Variants in TBX15 observed in about 807,000 individuals in gnomAD.
The protein encoded by TBX15 is T-box transcription factor TBX15.
TBX15 carries 18 observed loss-of-function variants against 53.9 expected under a neutral mutation model. That is an observed-to-expected ratio of 0.33 (90% CI 0.23 to 0.49). TBX15 has a LOEUF of 0.49. TBX15 is among the 20% of genes least tolerant of loss of function. The pLI is 0.98. For missense variants in TBX15, 692 were observed against 749.5 expected (o/e 0.92, Z 0.90); for synonymous variants, 295 against 278.0 (o/e 1.06, Z -0.61).
intron 1 of TBX15, among the ~76,000 whole-genome samples, chr1:118,963,369 C>T (rs1656939485): frequency 6.6e-6 from 1 of 152,190 alleles, no homozygotes; most frequent in Non-Finnish European, 1.5e-5. Context: ...TTGTTTCAGA[C>T]CTGCATTACT....
rs767213897 is a variant in TBX15 at position 118,923,631 on chromosome 1, G to A, written c.694-28C>T. ...GAAATAAAAAGGGGAATTGTACCAG[G>A]CTTGGCTTTAAGGAACCTACATTTT... On this transcript the variant is annotated intron_variant, in intron 4 of 7. Transcript: ENST00000369429. The A allele has an allele frequency of 2.5e-6, 4 of 1,613,526 alleles. No individual in the cohort carries two copies. In the African/African-American group the frequency reaches 5.3e-5, roughly 22 times the overall value.
intron 6 of TBX15, among the ~76,000 whole-genome samples, chr1:118,911,764 G>A (rs1340570950): frequency 1.3e-5 from 2 of 152,136 alleles, no homozygotes; most frequent in Non-Finnish European, 2.9e-5. Flanking sequence ...GGGCCTCCTT[G>A]ATGTTGCACA....
intron 1 of TBX15, among the ~76,000 whole-genome samples, chr1:118,962,793 A>G (rs1656921469): frequency 6.6e-6 from 1 of 152,206 alleles, no homozygotes; most frequent in Non-Finnish European, 1.5e-5. Flanking sequence ...GACAATGATG[A>G]TCTTTGGAAA....
chr1:118,896,981 G>A (rs541196894), intron 7 of TBX15, among the ~76,000 whole-genome samples: 1 of 152,218 alleles, frequency 6.6e-6, no homozygotes, highest in Non-Finnish European at 1.5e-5. Flanking sequence ...ATCACCATAT[G>A]TATCCAATAA....
chr1:118,888,341 A>G (rs920121179), intron 7 of TBX15, among the ~76,000 whole-genome samples: 1 of 152,202 alleles, frequency 6.6e-6, no homozygotes, highest in African/African-American at 2.4e-5. Context: ...AATAATATAA[A>G]GTGTGAATCG....
At chr1:118,904,328 C>T (rs1465876307) in intron 6 of TBX15, among the ~76,000 whole-genome samples, 5 of 152,156 alleles carry the variant, frequency 3.3e-5, no homozygotes, top group African/African-American at 1.2e-4. Flanking sequence ...CCAAACCTTC[C>T]ATACTTCTTT....
At chr1:118,899,711 T>TA (rs1306554268) in intron 6 of TBX15, among the ~76,000 whole-genome samples, 16 of 152,148 alleles carry the variant, frequency 1.1e-4, no homozygotes, top group African/African-American at 3.9e-4. Flanking sequence ...TACCTGAAGA[T>TA]AAAGAAAGGG....
At chr1:118,961,704 T>C (rs552292563) in intron 1 of TBX15, among the ~76,000 whole-genome samples, 16 of 152,342 alleles carry the variant, frequency 1.1e-4, no homozygotes, top group African/African-American at 3.6e-4. Context: ...GGGAGTATCA[T>C]GTGTCTAACC....
chr1:118,951,577 AT>A (rs1196174189), intron 1 of TBX15, among the ~76,000 whole-genome samples: 1 of 152,136 alleles, frequency 6.6e-6, no homozygotes, highest in African/African-American at 2.4e-5. Context: ...CTTCTTGGCA[AT>A]TTTTAAAGGT....
chr1:118,961,757 T>C (rs960701611), intron 1 of TBX15, among the ~76,000 whole-genome samples: 2 of 152,198 alleles, frequency 1.3e-5, no homozygotes, highest in African/African-American at 4.8e-5. Flanking sequence ...CATGAGCATC[T>C]CCTTGGTACC....
chr1:118,982,033 A>C (rs184589679), intron 1 of TBX15, among the ~76,000 whole-genome samples: 1 of 152,348 alleles, frequency 6.6e-6, no homozygotes, highest in Non-Finnish European at 1.5e-5. Context: ...CAGATGGGAA[A>C]ATCATTTAAG....
chr1:118,906,853 A>G (rs1252236743), intron 6 of TBX15, among the ~76,000 whole-genome samples: 1 of 152,182 alleles, frequency 6.6e-6, no homozygotes, highest in Admixed American at 6.6e-5. Flanking sequence ...AAACACTCCA[A>G]GAATGAACTG....
Position 118,899,034 on chromosome 1 carries a change from G to T in TBX15, c.1018C>A (p.Gln340Lys). 6.2e-7 allele frequency: 1 copy of T among 1,613,556 alleles called. No homozygotes were observed. The highest frequency in any genetic ancestry group is 8.5e-7 in the Non-Finnish European group (1 of 1,179,704). The change falls in exon 7 of 8, where the codon CAG (glutamine) becomes AAG (lysine). Residue 340 changes from glutamine to lysine, a missense_variant. By Grantham distance (53) the Gln-to-Lys change is moderately conservative. Transcript: ENST00000369429. ...CCTTGCTCCAGGGCTTTACCTTGCT[G>T]CTTCTGCATGGTGGTGAAGTCTTCG... is the stretch of plus-strand genomic sequence containing the variant. Reference protein sequence around the residue: ...TFEDFTTMQKQQGGSTGTSPT... With the variant: ...TFEDFTTMQKKQGGSTGTSPT...
At chr1:118,893,895 G>A (rs1156537941) in intron 7 of TBX15, among the ~76,000 whole-genome samples, 2 of 152,158 alleles carry the variant, frequency 1.3e-5, no homozygotes, top group Non-Finnish European at 2.9e-5. Flanking sequence ...GGAGTGTTTG[G>A]ATCCAGGGAT....
At chr1:118,940,993 C>G (rs1656159944) in intron 1 of TBX15, among the ~76,000 whole-genome samples, 1 of 149,804 alleles carries the variant, frequency 6.7e-6, no homozygotes, top group African/African-American at 2.6e-5. Flanking sequence ...ACTGGGTGGT[C>G]TTCAAGATTT....
chr1:118,899,153 G>A, intron 6 of TBX15, 28 bp from the exon 7 acceptor site: 1 of 1,600,292 alleles, frequency 6.2e-7, no homozygotes, highest in Admixed American at 1.7e-5. Context: ...AGCAAAGGAA[G>A]TCATAAATAA....
chr1:118,890,905 A>G (rs1363943069), intron 7 of TBX15: 1 of 1,304,060 alleles, frequency 7.7e-7, no homozygotes, highest in South Asian at 1.2e-5. Flanking sequence ...GTATAATTCA[A>G]TGGCATCTGT....
intron 6 of TBX15, among the ~76,000 whole-genome samples, chr1:118,901,664 A>G (rs1397142627): frequency 6.6e-6 from 1 of 152,196 alleles, no homozygotes; most frequent in African/African-American, 2.4e-5. Context: ...GATGTCATCT[A>G]CTATAACTCT....
chr1:118,959,024 C>CAGAGAGAGAGAGAGAGAGAGAGAG (rs10563585), intron 1 of TBX15, among the ~76,000 whole-genome samples: 40 of 144,540 alleles, frequency 2.8e-4, no homozygotes, highest in Middle Eastern at 3.5e-3. Context: ...GGTATAATAT[C>CAGAGAGAGAGAGAGAGAGAGAGAG]AGAGAGAGAG....
Sources: allele counts gnomAD v4.1 joint callset (sites outside exome capture counted in the v4.1 genomes callset), GRCh38; gene constraint gnomAD v4.1.1; transcripts MANE v1.5; gene names NCBI Gene and HGNC (gene_info 2026-07-23, HGNC 2026-07-21).